Variants in TRPM3 observed in about 807,000 individuals in gnomAD.
The protein encoded by TRPM3 is long transient receptor potential channel 3.
Under a neutral mutation model 181.2 loss-of-function variants are expected in TRPM3, and 77 were observed. The ratio of observed to expected loss-of-function variants is 0.42; its 90% CI spans 0.35 to 0.51. The LOEUF is 0.51. Among genes scored for constraint, TRPM3 ranks in the 20% least tolerant of loss-of-function variants. The probability of loss-of-function intolerance (pLI) is 0.01; values close to 1 mark genes in which losing one functional copy is unlikely to be tolerated. For missense variants in TRPM3, 1,759 were observed against 2,196.7 expected, an observed-to-expected ratio of 0.80 and a Z score of 3.98; for synonymous variants, 745 against 796.4, an observed-to-expected ratio of 0.94 and a Z score of 1.09.
intron 1 of TRPM3, among the ~76,000 whole-genome samples, chr9:71,350,364 C>T (rs567924777): frequency 8.5e-5 from 13 of 152,224 alleles, no homozygotes; most frequent in Non-Finnish European, 1.5e-4. Flanking sequence ...TTCAATACTC[C>T]GGTTAGTTTG....
intron 12 of TRPM3, among the ~76,000 whole-genome samples, chr9:70,629,400 A>G (rs1432681364): frequency 6.6e-6 from 1 of 151,776 alleles, no homozygotes; most frequent in Non-Finnish European, 1.5e-5. Context: ...CAATGGTGTG[A>G]TCTCGACTCA....
At chr9:70,603,107 C>T (rs1330551114) in intron 20 of TRPM3, among the ~76,000 whole-genome samples, 1 of 152,220 alleles carries the variant, frequency 6.6e-6, no homozygotes, top group East Asian at 1.9e-4. Flanking sequence ...GGGACAAAGG[C>T]TACGTTAGCA....
chr9:71,110,410 A>G (rs1429561905), intron 1 of TRPM3, among the ~76,000 whole-genome samples: 1 of 152,232 alleles, frequency 6.6e-6, no homozygotes, highest in Non-Finnish European at 1.5e-5. Context: ...TTCGTTGTTC[A>G]TAAATAAGTT....
intron 1 of TRPM3, among the ~76,000 whole-genome samples, chr9:71,336,505 T>C (rs2090566301): frequency 6.6e-6 from 1 of 152,082 alleles, no homozygotes; most frequent in Admixed American, 6.5e-5. Context: ...AGAATCAATA[T>C]CATGAAAATG....
chr9:71,247,724 G>A (rs961915877), intron 1 of TRPM3, among the ~76,000 whole-genome samples: 8 of 152,200 alleles, frequency 5.3e-5, no homozygotes, highest in East Asian at 1.9e-4. Context: ...GAGCTCCCGT[G>A]GGCAATGGGA....
chr9:71,305,168 G>T (rs2132354662), intron 1 of TRPM3, among the ~76,000 whole-genome samples: 1 of 152,236 alleles, frequency 6.6e-6, no homozygotes, highest in South Asian at 2.1e-4. Context: ...TTGCAAGAAA[G>T]GCATGGACAT....
At chr9:71,194,174 AG>A (rs2078198565) in intron 1 of TRPM3, among the ~76,000 whole-genome samples, 1 of 151,942 alleles carries the variant, frequency 6.6e-6, no homozygotes, top group African/African-American at 2.4e-5. Flanking sequence ...TTACAATTAT[AG>A]ATCACAGAAA....
At chr9:70,701,539 A>T (rs2072577273) in intron 8 of TRPM3, among the ~76,000 whole-genome samples, 1 of 152,126 alleles carries the variant, frequency 6.6e-6, no homozygotes. Context: ...CAGGCTTCAA[A>T]TTAGTCTTTT....
intron 8 of TRPM3, among the ~76,000 whole-genome samples, chr9:70,740,563 T>G (rs923270884): frequency 6.6e-6 from 1 of 152,160 alleles, no homozygotes; most frequent in African/African-American, 2.4e-5. Flanking sequence ...GGCATCACAT[T>G]ACCTGACTTC....
chr9:71,000,153 T>C (rs929524964), intron 1 of TRPM3, among the ~76,000 whole-genome samples: 14 of 152,120 alleles, frequency 9.2e-5, no homozygotes, highest in African/African-American at 2.2e-4. Context: ...ATGTATCCCA[T>C]TGGGAACAAG....
intron 1 of TRPM3, among the ~76,000 whole-genome samples, chr9:70,929,122 G>C (rs572838071): frequency 2.6e-5 from 4 of 151,470 alleles, no homozygotes; most frequent in Admixed American, 6.6e-5. Context: ...GTAGTTTCTT[G>C]GTTTATTCAG....
chr9:70,627,018 A>AAAT (rs796504926), intron 12 of TRPM3, among the ~76,000 whole-genome samples: 5 of 152,318 alleles, frequency 3.3e-5, no homozygotes, highest in African/African-American at 1.2e-4. Flanking sequence ...TAAAACAGTG[A>AAAT]AATTAATTGA....
intron 1 of TRPM3, among the ~76,000 whole-genome samples, chr9:71,348,093 C>T (rs1483313238): frequency 6.6e-6 from 1 of 152,132 alleles, no homozygotes; most frequent in Non-Finnish European, 1.5e-5. Context: ...TATTGGCAAA[C>T]AGCTTAAAGT....
chr9:71,004,323 G>A (rs375627451), intron 1 of TRPM3, among the ~76,000 whole-genome samples: 1 of 152,212 alleles, frequency 6.6e-6, no homozygotes, highest in East Asian at 1.9e-4. Context: ...TTAAGTAGTG[G>A]CACTAACTTA....
Position 70,846,475 on chromosome 9 carries a change from A to C in TRPM3, c.579T>G (p.Phe193Leu). Residue 193 changes from phenylalanine to leucine, a missense_variant, in exon 4 of 26, where the codon TTT (phenylalanine) becomes TTG (leucine). Coordinates refer to ENST00000677713, the MANE Select transcript of TRPM3 (RefSeq NM_001366145.2). ...CTTGCTTGAGTTTTGGCTGGAGTTCAAAGTTCTGCAGGCCCCCATGGACAG... is the reference window on the plus strand; with the variant it reads ...CTTGCTTGAGTTTTGGCTGGAGTTCCAAGTTCTGCAGGCCCCCATGGACAG... ...LISVHGGLQN[F>L]ELQPKLKQVF... The C allele has an allele frequency of 6.2e-7, 1 of 1,614,170 alleles. No individual in the cohort carries two copies. Among genetic ancestry groups the C allele is most frequent in the African/African-American group, 1.3e-5 (1 of 75,040 alleles).
At chr9:70,626,337 G>A (rs62545506) in intron 12 of TRPM3, among the ~76,000 whole-genome samples, 4 of 152,020 alleles carry the variant, frequency 2.6e-5, no homozygotes, top group South Asian at 2.1e-4. Context: ...GCGGGAGAGC[G>A]CTCTATACCA....
In TRPM3 at chr9:70,967,654, T is replaced by C. The variant is rs114179101; in HGVS notation, c.178-103143A>G. Among the ~76,000 whole-genome samples, 844 of 152,242 alleles carry C rather than the reference T, an allele frequency of 5.5e-3. 9 individuals are homozygous for C. Among genetic ancestry groups the C allele is most frequent in the African/African-American group, 0.019 (810 of 41,554 alleles). ...AGATGATCTCTGAATAAAGGGCTTC[T>C]GTGATCAAATTATTTGGGACCCCTC... On this transcript the variant is annotated intron_variant, in intron 1 of 25. Transcript: ENST00000677713.
chr9:70,988,993 G>T (rs950541100), intron 1 of TRPM3, among the ~76,000 whole-genome samples: 107 of 152,252 alleles, frequency 7.0e-4, no homozygotes, highest in African/African-American at 2.5e-3. Flanking sequence ...GGATGCAACT[G>T]GCTGACTTGA....
intron 1 of TRPM3, among the ~76,000 whole-genome samples, chr9:71,213,857 A>C (rs144333891): frequency 2.8e-4 from 43 of 152,264 alleles, no homozygotes; most frequent in African/African-American, 9.9e-4. Flanking sequence ...GTCAAGAATA[A>C]CCTACATATT....
Sources: allele counts gnomAD v4.1 joint callset (sites outside exome capture counted in the v4.1 genomes callset), GRCh38; gene constraint gnomAD v4.1.1; transcripts MANE v1.5; gene names NCBI Gene and HGNC (gene_info 2026-07-23, HGNC 2026-07-21).